Variants in PRKG1 observed in about 807,000 individuals in gnomAD.
PRKG1 encodes the protein cGMP-dependent protein kinase 1.
PRKG1 carries 35 observed loss-of-function variants against 88.1 expected under a neutral mutation model. The observed-to-expected ratio is 0.40, with a 90% CI of 0.30 to 0.53. The LOEUF (loss-of-function observed/expected upper bound fraction) is 0.53, where lower values mean the gene tolerates loss of function less well. PRKG1 is among the 20% of genes least tolerant of loss of function. PRKG1 has a pLI of 0.59. For missense variants in PRKG1, 540 were observed against 839.8 expected, an observed-to-expected ratio of 0.64 and a Z score of 4.41; for synonymous variants, 303 against 292.5, an observed-to-expected ratio of 1.04 and a Z score of -0.37.
chr10:51,556,374 A>C (rs954965971), intron 3 of PRKG1, among the ~76,000 whole-genome samples: 1 of 151,508 alleles, frequency 6.6e-6, no homozygotes, highest in Non-Finnish European at 1.5e-5. Flanking sequence ...ATTTCAAAAA[A>C]TAATTTTTCA....
chr10:52,085,682 T>C (rs1264368644), intron 7 of PRKG1, among the ~76,000 whole-genome samples: 3 of 152,138 alleles, frequency 2.0e-5, no homozygotes, highest in Non-Finnish European at 4.4e-5. Flanking sequence ...CCAATATCTG[T>C]ATATTAAATG....
In PRKG1 at chr10:51,508,121, TA is replaced by T. The variant is rs1841281689; in HGVS notation, c.592+40286del. Among the ~76,000 whole-genome samples, 3 of 152,140 alleles carry T rather than the reference TA, an allele frequency of 2.0e-5. No homozygotes were observed. The South Asian group carries it at 6.2e-4, about 32-fold the overall frequency. ...TCATCTGTAAAATGCAGATGACTTA[TA>T]GATACCCCATAGAGCTAGAACAAAG... On this transcript the variant is annotated intron_variant, in intron 3 of 17. Transcript: ENST00000373980.
At chr10:51,506,803 A>G (rs1841221395) in intron 3 of PRKG1, among the ~76,000 whole-genome samples, 4 of 152,202 alleles carry the variant, frequency 2.6e-5, no homozygotes, top group Non-Finnish European at 4.4e-5. Context: ...ATTACTGGGT[A>G]TATACCCAAA....
At chr10:52,186,316 C>G (rs1321996178) in intron 9 of PRKG1, among the ~76,000 whole-genome samples, 2 of 152,024 alleles carry the variant, frequency 1.3e-5, no homozygotes, top group Admixed American at 1.3e-4. Flanking sequence ...TTTAAACAAC[C>G]AAATCTCATG....
At chr10:51,014,318 CTTTT>C (rs71029340) in intron 1 of PRKG1, among the ~76,000 whole-genome samples, 5 of 138,008 alleles carry the variant, frequency 3.6e-5, no homozygotes, top group African/African-American at 5.3e-5. Context: ...CAGGCATTCT[CTTTT>C]TTTTTTTTTT....
At chr10:51,016,658 GTAT>G (rs981486122) in intron 1 of PRKG1, among the ~76,000 whole-genome samples, 1 of 59,578 alleles carries the variant, frequency 1.7e-5, no homozygotes, top group African/African-American at 8.2e-5. Flanking sequence ...AGTGAAGAAG[GTAT>G]TATTATCCTT....
intron 5 of PRKG1, among the ~76,000 whole-genome samples, chr10:51,932,860 G>T (rs1193526755): frequency 2.0e-5 from 3 of 152,098 alleles, no homozygotes; most frequent in Non-Finnish European, 4.4e-5. Context: ...TGGAAAGGAG[G>T]TGAAGCGGGG....
intron 2 of PRKG1, among the ~76,000 whole-genome samples, chr10:51,324,939 T>A (rs975429498): frequency 4.6e-5 from 7 of 152,222 alleles, no homozygotes; most frequent in Non-Finnish European, 7.3e-5. Context: ...CTTTTTAGGC[T>A]TTTGAGGAAT....
intron 3 of PRKG1, among the ~76,000 whole-genome samples, chr10:51,672,111 T>G (rs1840597512): frequency 6.6e-6 from 1 of 150,398 alleles, no homozygotes; most frequent in Non-Finnish European, 1.5e-5. Context: ...TTTATGTTGA[T>G]CTCATTTGAG....
chr10:52,033,776 C>G (rs188577075), intron 5 of PRKG1, among the ~76,000 whole-genome samples: 62 of 152,196 alleles, frequency 4.1e-4, no homozygotes, highest in East Asian at 1.5e-3. Flanking sequence ...TCCGTGTGAA[C>G]AGACCACCAA....
At position 51,508,860 on chromosome 10, in the gene PRKG1, T is replaced by C. The variant is rs547647970; in HGVS notation, c.592+41024T>C. On this transcript the variant is annotated intron_variant, in intron 3 of 17. Coordinates refer to ENST00000373980, the MANE Select transcript of PRKG1 (RefSeq NM_006258.4). ...AGCAATAGAAGGGGGAAATGAGTTGTTTTTAAATCCCATTTTATTATTACA... is the reference window on the plus strand; with the variant it reads ...AGCAATAGAAGGGGGAAATGAGTTGCTTTTAAATCCCATTTTATTATTACA... 3.9e-5 allele frequency among the ~76,000 whole-genome samples: 6 copies of C among 152,324 alleles called. No homozygotes were observed. In the South Asian group the frequency reaches 1.2e-3, roughly 32 times the overall value.
intron 1 of PRKG1, among the ~76,000 whole-genome samples, chr10:51,002,527 G>A (rs374497131): frequency 4.1e-4 from 62 of 152,240 alleles, no homozygotes; most frequent in African/African-American, 1.4e-3. Context: ...AAAAATTTTA[G>A]GGTAAAGAGT....
At position 52,194,972 on chromosome 10, in the gene PRKG1, G is replaced by T. The variant is rs540667788; in HGVS notation, c.1076+33009G>T. Among the ~76,000 whole-genome samples the T allele has an allele frequency of 2.0e-5, 3 of 152,180 alleles. No individual in the cohort carries two copies. In the South Asian group the frequency reaches 6.2e-4, roughly 32 times the overall value. ...GACACTTGCTGTATTGAATTACTAT[G>T]GTCTTATCCACCTCAAATTGAACTC... On this transcript the variant is annotated intron_variant, in intron 9 of 17. Coordinates refer to ENST00000373980, the MANE Select transcript of PRKG1 (RefSeq NM_006258.4).
intron 2 of PRKG1, among the ~76,000 whole-genome samples, chr10:51,318,403 G>T (rs922050719): frequency 1.3e-5 from 2 of 152,134 alleles, no homozygotes; most frequent in Non-Finnish European, 1.5e-5. Flanking sequence ...ATTCAGCATG[G>T]TGTCAAATTG....
In PRKG1 at chr10:51,622,792, A is replaced by G. The variant is rs968806426; in HGVS notation, c.592+154956A>G. On this transcript the variant is annotated intron_variant, in intron 3 of 17. Transcript: ENST00000373980. ...GCCATCAGACTTTGTCAGAAAGCCA[A>G]TCATATTTTTTAAGGAAATTATTTA... Among the ~76,000 whole-genome samples, 12 of 152,322 alleles carry G rather than the reference A, an allele frequency of 7.9e-5. No homozygotes were observed. The South Asian group carries it at 2.3e-3, about 29-fold the overall frequency.
intron 3 of PRKG1, among the ~76,000 whole-genome samples, chr10:51,703,100 A>G (rs971015816): frequency 6.6e-6 from 1 of 152,220 alleles, no homozygotes; most frequent in Non-Finnish European, 1.5e-5. Flanking sequence ...TATTTTTAAC[A>G]AAGAACAGGA....
intron 4 of PRKG1, among the ~76,000 whole-genome samples, chr10:51,829,987 G>C (rs555227782): frequency 1.3e-5 from 2 of 152,166 alleles, no homozygotes; most frequent in South Asian, 4.2e-4. Context: ...GATGAAACCA[G>C]CTTTCTCCAG....
intron 4 of PRKG1, among the ~76,000 whole-genome samples, chr10:51,906,807 A>G (rs1257319737): frequency 6.6e-6 from 1 of 152,216 alleles, no homozygotes; most frequent in Non-Finnish European, 1.5e-5. Context: ...AGACAGCTCT[A>G]CAGGAGAGAA....
intron 3 of PRKG1, among the ~76,000 whole-genome samples, chr10:51,496,927 G>C (rs551274908): frequency 6.6e-6 from 1 of 152,288 alleles, no homozygotes; most frequent in Non-Finnish European, 1.5e-5. Flanking sequence ...GAAATGAAAT[G>C]TAACTTAATA....
Sources: gnomAD v4.1 joint callset for allele counts (sites outside exome capture counted in the v4.1 genomes callset) on GRCh38, gnomAD v4.1.1 for gene constraint, MANE v1.5 for transcripts, NCBI Gene and HGNC (gene_info 2026-07-23, HGNC 2026-07-21) for gene names.